Variants in ERI3 observed in about 807,000 individuals in gnomAD.
ERI3 encodes ERI1 exoribonuclease family member 3.
In ERI3, 18 loss-of-function variants were observed where a neutral mutation model predicts 44.4. That is an observed-to-expected ratio of 0.41 (90% CI 0.28 to 0.60). ERI3 has a LOEUF of 0.60. Ranked by LOEUF, ERI3 falls within the 20% of genes least tolerant of loss-of-function variation. The pLI, the probability that ERI3 is intolerant of heterozygous loss-of-function variation, is 0.36. For synonymous variants in ERI3, 183 were observed against 164.8 expected (o/e 1.11, Z -0.84); for missense variants, 294 against 435.5 (o/e 0.68, Z 2.89).
intron 7 of ERI3, among the ~76,000 whole-genome samples, chr1:44,250,825 G>A (rs1313965341): frequency 4.6e-5 from 7 of 152,256 alleles, no homozygotes; most frequent in Non-Finnish European, 7.4e-5. Flanking sequence ...TGCTTCCAGC[G>A]GGACCTTCAC....
At chr1:44,288,287 G>A (rs1645435113) in intron 6 of ERI3, among the ~76,000 whole-genome samples, 1 of 152,136 alleles carries the variant, frequency 6.6e-6, no homozygotes, top group African/African-American at 2.4e-5. Context: ...GTCACTTGCA[G>A]GTACACATGC....
Position 44,355,069 on chromosome 1 carries a change from A to T in ERI3, c.-43T>A. ...GGGGCCAGCGCGGCAGGCTCCCTCC[A>T]GGTGCAGGCCCCGACGTCTCCCTCG... On this transcript the variant is annotated 5_prime_UTR_variant, in exon 1 of 9. Transcript: ENST00000372257. 1 of 1,324,024 alleles carries T rather than the reference A, an allele frequency of 7.6e-7. No homozygotes were observed. Among genetic ancestry groups the T allele is most frequent in the Non-Finnish European group, 9.7e-7 (1 of 1,032,444 alleles). The allele number at this position is 1,324,024 out of a possible 1,614,324, so 82.0% of individuals were successfully genotyped here. A position where few individuals can be genotyped will look rare whatever the true frequency, so the allele number is the denominator to read the frequency against.
At chr1:44,300,153 C>T (rs1214631781) in intron 6 of ERI3, among the ~76,000 whole-genome samples, 1 of 152,194 alleles carries the variant, frequency 6.6e-6, no homozygotes. Flanking sequence ...AGTAAAGAAC[C>T]ACTCAGTTAT....
chr1:44,319,562 T>C (rs1646158166), intron 4 of ERI3, 66 bp downstream of exon 4: 2 of 1,100,138 alleles, frequency 1.8e-6, no homozygotes, highest in Admixed American at 1.8e-5. Context: ...GTGGCCTATA[T>C]AGAGCACCAA....
At chr1:44,249,474 T>C (rs1478439702) in intron 7 of ERI3, among the ~76,000 whole-genome samples, 1 of 152,128 alleles carries the variant, frequency 6.6e-6, no homozygotes, top group African/African-American at 2.4e-5. Flanking sequence ...TGTCCACCCT[T>C]CCTTTCCAGC....
chr1:44,300,954 G>C (rs1238525037), intron 6 of ERI3, among the ~76,000 whole-genome samples: 2 of 152,116 alleles, frequency 1.3e-5, no homozygotes, highest in African/African-American at 4.8e-5. Context: ...GGCTCTGCAG[G>C]GAGCTTCACC....
At chr1:44,333,943 T>A (rs1049829664) in intron 3 of ERI3, among the ~76,000 whole-genome samples, 2 of 152,148 alleles carry the variant, frequency 1.3e-5, no homozygotes, top group African/African-American at 4.8e-5. Flanking sequence ...AGGAAAAAAA[T>A]GCTCCTGTGG....
At chr1:44,352,283 A>T (rs1646907611) in intron 2 of ERI3, among the ~76,000 whole-genome samples, 1 of 152,218 alleles carries the variant, frequency 6.6e-6, no homozygotes, top group Admixed American at 6.5e-5. Context: ...GGTCAAATAC[A>T]TTAGCAAAAG....
At chr1:44,306,778 G>T (rs968422315) in intron 6 of ERI3, among the ~76,000 whole-genome samples, 4 of 152,264 alleles carry the variant, frequency 2.6e-5, no homozygotes, top group African/African-American at 9.6e-5. Context: ...ACTGGATGAA[G>T]GGAGTCCTGG....
intron 8 of ERI3, among the ~76,000 whole-genome samples, chr1:44,226,334 G>A (rs1055892364): frequency 1.3e-5 from 2 of 152,096 alleles, no homozygotes; most frequent in Non-Finnish European, 1.5e-5. Context: ...GAGAATGATG[G>A]ACATTGACAT....
chr1:44,302,916 C>T (rs951429297), intron 6 of ERI3, among the ~76,000 whole-genome samples: 2 of 152,226 alleles, frequency 1.3e-5, no homozygotes, highest in African/African-American at 4.8e-5. Flanking sequence ...ACTTACCTCT[C>T]TAGGCGTCAG....
intron 6 of ERI3, among the ~76,000 whole-genome samples, chr1:44,301,794 C>T (rs1397471250): frequency 6.6e-6 from 1 of 152,188 alleles, no homozygotes; most frequent in African/African-American, 2.4e-5. Context: ...TTTGGCTATC[C>T]AAGTTTCCGA....
In ERI3 at chr1:44,279,155, C is replaced by T. The variant is rs1645238150; in HGVS notation, c.831+5680G>A. On this transcript the variant is annotated intron_variant, in intron 7 of 8. Transcript: ENST00000372257. ...TGTTCTATCCTAGGCTTTCTTCTCA[C>T]CCTATACCCTCTTCTTTGGCAATCT... is the stretch of plus-strand genomic sequence containing the variant. 2.0e-5 allele frequency among the ~76,000 whole-genome samples: 3 copies of T among 151,928 alleles called. No homozygotes were observed. The South Asian group carries it at 6.2e-4, about 32-fold the overall frequency.
chr1:44,339,081 A>C lies in ERI3; in HGVS notation c.453T>G (p.Phe151Leu). ...QRYHYFLVLD[F>L]EATCDKPQIH... ...TCTGTGGCTTGTCGCACGTGGCCTC[A>C]AAGTCCAGCACTAAAAAGTAGTGAT... is the stretch of plus-strand genomic sequence containing the variant. Residue 151 changes from phenylalanine to leucine, a missense_variant, in exon 3 of 9, where the codon TTT (phenylalanine) becomes TTG (leucine). Physicochemically the swap from Phe to Leu is conservative, Grantham distance 22 (BLOSUM62 0). Transcript: ENST00000372257. The C allele has an allele frequency of 1.2e-6, 2 of 1,613,876 alleles. No individual in the cohort carries two copies. Among genetic ancestry groups the C allele is most frequent in the Non-Finnish European group, 1.7e-6 (2 of 1,179,896 alleles).
chr1:44,286,998 C>T (rs1182798562), intron 6 of ERI3, among the ~76,000 whole-genome samples: 1 of 152,234 alleles, frequency 6.6e-6, no homozygotes, highest in Non-Finnish European at 1.5e-5. Flanking sequence ...TAAGATCAGA[C>T]ATGCTCTTTT....
chr1:44,339,338 T>G lies in ERI3; in HGVS notation c.212-16A>C. Reference sequence around the variant, plus strand: ...GCATCTAAAACTTAGGGGAGGAAAGTTTAAAAAAAAAAAAAAAAAAGAAAA... The same window carrying G: ...GCATCTAAAACTTAGGGGAGGAAAGGTTAAAAAAAAAAAAAAAAAAGAAAA... On this transcript the variant is annotated splice_polypyrimidine_tract_variant and intron_variant, in intron 2 of 8. Coordinates refer to ENST00000372257, the MANE Select transcript of ERI3 (RefSeq NM_024066.3). 7.7e-7 allele frequency: 1 copy of G among 1,300,972 alleles called. No homozygotes were observed. Among genetic ancestry groups the G allele is most frequent in the Non-Finnish European group, 9.8e-7 (1 of 1,022,106 alleles). 80.6% of individuals were successfully genotyped at this position (1,300,972 alleles called of 1,614,324 possible). A position where few individuals can be genotyped will look rare whatever the true frequency, so the allele number is the denominator to read the frequency against.
intron 7 of ERI3, among the ~76,000 whole-genome samples, chr1:44,262,613 C>A (rs920359342): frequency 2.6e-5 from 4 of 152,162 alleles, no homozygotes; most frequent in Non-Finnish European, 5.9e-5. Flanking sequence ...TTGTGGCAGG[C>A]GCAGGGTCAG....
At chr1:44,341,182 T>C (rs926168101) in intron 2 of ERI3, among the ~76,000 whole-genome samples, 3 of 152,232 alleles carry the variant, frequency 2.0e-5, no homozygotes, top group Non-Finnish European at 2.9e-5. Flanking sequence ...GTTTGAATCC[T>C]AGCTTTACCA....
chr1:44,319,440 G>C (rs1330361824), intron 4 of ERI3, among the ~76,000 whole-genome samples, 188 bp downstream of exon 4: 1 of 152,254 alleles, frequency 6.6e-6, no homozygotes, highest in Non-Finnish European at 1.5e-5. Flanking sequence ...TGCTCTCCCT[G>C]GGTCCCCAGT....
Sources: gnomAD v4.1 joint callset for allele counts (sites outside exome capture counted in the v4.1 genomes callset) on GRCh38, gnomAD v4.1.1 for gene constraint, MANE v1.5 for transcripts, NCBI Gene and HGNC (gene_info 2026-07-23, HGNC 2026-07-21) for gene names.